ADH1A: variants seen among roughly 807,000 people sequenced by gnomAD.
ADH1A encodes the protein alcohol dehydrogenase 1A (class I), alpha polypeptide.
ADH1A carries 29 observed loss-of-function variants against 35.2 expected under a neutral mutation model. The observed-to-expected ratio is 0.82, with a 90% CI of 0.61 to 1.12. The LOEUF (loss-of-function observed/expected upper bound fraction) is 1.12, where lower values mean the gene tolerates loss of function less well. Ranked by LOEUF, ADH1A falls within the 50% of genes most tolerant of loss-of-function variation. The pLI, the probability that ADH1A is intolerant of heterozygous loss-of-function variation, is 0.00. For synonymous variants in ADH1A, 147 were observed against 164.8 expected, an observed-to-expected ratio of 0.89 and a Z score of 0.83; for missense variants, 469 against 464.7, an observed-to-expected ratio of 1.01 and a Z score of -0.09.
intron 6 of ADH1A, 131 bp downstream of exon 6, chr4:99,282,214 TA>T (rs758086312): frequency 1.3e-6 from 2 of 1,550,956 alleles, no homozygotes; most frequent in Non-Finnish European, 1.8e-6. Flanking sequence ...ACAAGCCAGG[TA>T]ACAAACAGAT....
chr4:99,277,467 G>T (rs1232816721), intron 8 of ADH1A, among the ~76,000 whole-genome samples: 1 of 151,896 alleles, frequency 6.6e-6, no homozygotes, highest in African/African-American at 2.4e-5. Context: ...AAATATATAT[G>T]TATTTGCATA....
At position 99,280,283 on chromosome 4, in the gene ADH1A, G is replaced by A. The variant is rs1352121519; in HGVS notation, c.829-4C>T. ...GACAACATAACAGGGAAGCCATCTG[G>A]AATAAAGTGAACACTTAGCATTCTT... is the stretch of plus-strand genomic sequence containing the variant. On this transcript the variant is annotated splice_region_variant and splice_polypyrimidine_tract_variant and intron_variant, in intron 6 of 8. Transcript: ENST00000209668. The A allele has an allele frequency of 1.9e-6, 3 of 1,612,996 alleles. No homozygotes were observed. Among genetic ancestry groups the A allele is most frequent in the Non-Finnish European group, 2.5e-6 (3 of 1,179,794 alleles).
Position 99,290,918 on chromosome 4 carries a change from G to T in ADH1A, c.-4C>A, listed in dbSNP as rs1733273489. The T allele has an allele frequency of 6.2e-7, 1 of 1,613,834 alleles. No homozygotes were observed. Among genetic ancestry groups the T allele is most frequent in the Non-Finnish European group, 8.5e-7 (1 of 1,179,804 alleles). ...TTACTTTTCCTGCTGTGCTCATGTT[G>T]ATTCTGTCTTCTCTGCAGACCAGGA... On this transcript the variant is annotated 5_prime_UTR_variant, in exon 1 of 9. It introduces an in-frame stop codon into an upstream open reading frame of the 5' UTR. Coordinates refer to ENST00000209668, the MANE Select transcript of ADH1A (RefSeq NM_000667.4).
chr4:99,276,716 A>C, intron 8 of ADH1A, 68 bp from the exon 9 acceptor site: 1 of 1,424,690 alleles, frequency 7.0e-7, no homozygotes, highest in Non-Finnish European at 9.9e-7. Context: ...TCCAAGGAGC[A>C]TTTGAAATGA....
At position 99,284,698 on chromosome 4, in the gene ADH1A, A is replaced by G. The variant is rs1377362041; in HGVS notation, c.347+18T>C. 6.2e-7 allele frequency: 1 copy of G among 1,613,732 alleles called. No individual in the cohort carries two copies. Among genetic ancestry groups the G allele is most frequent in the Admixed American group, 1.7e-5 (1 of 60,012 alleles). ...GTGCAAACTCAATGTCTGCGCAGGG[A>G]GAGCATCAGAAACCTACTCGTTTTT... On this transcript the variant is annotated intron_variant, in intron 4 of 8. Transcript: ENST00000209668.
Position 99,287,634 on chromosome 4 carries a change from T to C in ADH1A, c.50A>G (p.Glu17Gly), listed in dbSNP as rs766864408. 2 of 1,613,952 alleles carry C rather than the reference T, an allele frequency of 1.2e-6. No homozygotes were observed. Among genetic ancestry groups the C allele is most frequent in the East Asian group, 2.2e-5 (1 of 44,866 alleles). ...CTCAATGGAAAAGGGTTTCTTTAACTCCCATAGCACAGCTGCTTTGCATTT... is the reference window on the plus strand; with the variant it reads ...CTCAATGGAAAAGGGTTTCTTTAACCCCCATAGCACAGCTGCTTTGCATTT... ...VIKCKAAVLW[E>G]LKKPFSIEEV... Residue 17 changes from glutamate (E) to glycine (G), a missense_variant, in exon 2 of 9, where the codon GAG becomes GGG. Transcript: ENST00000209668.
chr4:99,279,584 A>T lies in ADH1A; in HGVS notation c.965-20T>A, dbSNP rs933581048. Reference sequence around the variant, plus strand: ...TAAAGCCTGAAAAGAAGATGGTATCATTGTTAGATTCAACCAGGGTAAGTA... The same window carrying T: ...TAAAGCCTGAAAAGAAGATGGTATCTTTGTTAGATTCAACCAGGGTAAGTA... On this transcript the variant is annotated intron_variant, in intron 7 of 8. Coordinates refer to ENST00000209668, the MANE Select transcript of ADH1A (RefSeq NM_000667.4). The T allele has an allele frequency of 1.2e-6, 2 of 1,601,568 alleles. No individual in the cohort carries two copies. The highest frequency in any genetic ancestry group is 1.7e-6 in the Non-Finnish European group (2 of 1,176,060).
At chr4:99,289,809 G>C (rs1405342407) in intron 1 of ADH1A, among the ~76,000 whole-genome samples, 1 of 152,126 alleles carries the variant, frequency 6.6e-6, no homozygotes, top group Non-Finnish European at 1.5e-5. Flanking sequence ...CTTTTAAGTT[G>C]AGTTTGGTAA....
chr4:99,276,725 G>T (rs1468937032), intron 8 of ADH1A, 77 bp from the exon 9 acceptor site: 2 of 1,382,062 alleles, frequency 1.4e-6, no homozygotes, highest in Non-Finnish European at 1.0e-6. Context: ...CATTTGAAAT[G>T]ACTTAGTGAA....
rs371830152 is a variant in ADH1A, at chr4:99,287,677, A to C, written c.19-12T>G. ...TTGCATTTGATTACCTAGAAAAGCA[A>C]ACAGAGAGATGGCACCAGTGTTCTC... On this transcript the variant is annotated splice_polypyrimidine_tract_variant and intron_variant, in intron 1 of 8. Transcript: ENST00000209668. The C allele has an allele frequency of 1.2e-6, 2 of 1,613,544 alleles. No homozygotes were observed. The highest frequency in any genetic ancestry group is 2.7e-5 in the African/African-American group (2 of 74,924).
Position 99,280,177 on chromosome 4 carries a change from T to G in ADH1A, c.931A>C (p.Thr311Pro), listed in dbSNP as rs1346723924. 1 of 1,613,576 alleles carries G rather than the reference T, an allele frequency of 6.2e-7. No individual in the cohort carries two copies. The highest frequency in any genetic ancestry group is 8.5e-7 in the Non-Finnish European group (1 of 1,179,734). ...NLSMNPMLLL[T>P]GRTWKGAILG... ...ATAGCTCCCTTCCAGGTACGTCCAG[T>G]CAGTAGCAGCATAGGGTTCATTGAG... The change falls in exon 7 of 9, where the codon ACT (threonine) becomes CCT (proline). Residue 311 changes from threonine to proline, a missense_variant. Thr to Pro is a conservative substitution (Grantham distance 38). Coordinates refer to ENST00000209668, the MANE Select transcript of ADH1A (RefSeq NM_000667.4).
At position 99,279,406 on chromosome 4, in the gene ADH1A, A is replaced by G. The variant is rs1732942066; in HGVS notation, c.1103+20T>C. ...ATGGTAGAAAAAAAAGCAAAACAGA[A>G]AACTAACTAAAAAATCTACCTTTTC... is the stretch of plus-strand genomic sequence containing the variant. On this transcript the variant is annotated intron_variant, in intron 8 of 8. Coordinates refer to ENST00000209668, the MANE Select transcript of ADH1A (RefSeq NM_000667.4). The G allele has an allele frequency of 1.3e-6, 2 of 1,583,078 alleles. No homozygotes were observed. The highest frequency in any genetic ancestry group is 3.4e-4 in the Middle Eastern group (2 of 5,934).
Position 99,282,733 on chromosome 4 carries a change from C to T in ADH1A, c.568-127G>A. 3.5e-6 allele frequency: 5 copies of T among 1,433,954 alleles called. No homozygotes were observed. In the South Asian group the frequency reaches 7.1e-5, roughly 20 times the overall value. 88.8% of individuals were successfully genotyped at this position (1,433,954 alleles called of 1,614,324 possible). A position where few individuals can be genotyped will look rare whatever the true frequency, so the allele number is the denominator to read the frequency against. ...TCAAAACCTCTTTTGGCTTCAGTTG[C>T]TTTATTTTTAAATTCATGGAGTTGA... On this transcript the variant is annotated intron_variant, in intron 5 of 8. Transcript: ENST00000209668.
chr4:99,279,075 G>T (rs1262261775), intron 8 of ADH1A, among the ~76,000 whole-genome samples: 2 of 152,026 alleles, frequency 1.3e-5, no homozygotes, highest in African/African-American at 4.8e-5. Flanking sequence ...ATAGGTGGTA[G>T]GCAGAGGCTT....
intron 5 of ADH1A, among the ~76,000 whole-genome samples, chr4:99,282,845 C>A (rs756094839): frequency 6.6e-6 from 1 of 152,168 alleles, no homozygotes; most frequent in African/African-American, 2.4e-5. Context: ...ACAGCCCATG[C>A]CAATTAAATG....
chr4:99,287,534 C>CT (rs761745095), intron 2 of ADH1A, 30 bp downstream of exon 2: 2 of 1,592,508 alleles, frequency 1.3e-6, no homozygotes, highest in Non-Finnish European at 8.5e-7. Flanking sequence ...GTTTTTAAAA[C>CT]TTAAATACAA....
At chr4:99,278,694 A>C (rs1579488052) in intron 8 of ADH1A, among the ~76,000 whole-genome samples, 1 of 152,164 alleles carries the variant, frequency 6.6e-6, no homozygotes, top group Admixed American at 6.6e-5. Context: ...TGGAGCTAGA[A>C]GGCAGAAGTT....
In ADH1A at chr4:99,290,752, A is replaced by G. The variant is rs1037084940; in HGVS notation, c.18+145T>C. Reference sequence around the variant, plus strand: ...TCCACTGTAGTTCAGTATACATTACATATTATAGCATATATTGCATATCAT... The same window carrying G: ...TCCACTGTAGTTCAGTATACATTACGTATTATAGCATATATTGCATATCAT... On this transcript the variant is annotated intron_variant, in intron 1 of 8. Transcript: ENST00000209668. The G allele has an allele frequency of 3.6e-6, 3 of 827,382 alleles. No homozygotes were observed. The African/African-American group carries it at 5.1e-5, about 14-fold the overall frequency. 51.3% of individuals were successfully genotyped at this position (827,382 alleles called of 1,614,324 possible).
At chr4:99,289,608 T>C (rs28364297) in intron 1 of ADH1A, among the ~76,000 whole-genome samples, 6 of 152,184 alleles carry the variant, frequency 3.9e-5, no homozygotes, top group African/African-American at 1.4e-4. Flanking sequence ...CTTTATGAAA[T>C]AGATGTTAGT....
Sources: gnomAD v4.1 joint callset for allele counts (sites outside exome capture counted in the v4.1 genomes callset) on GRCh38, gnomAD v4.1.1 for gene constraint, MANE v1.5 for transcripts, NCBI Gene and HGNC (gene_info 2026-07-23, HGNC 2026-07-21) for gene names.